Variants in OCA2 observed in about 807,000 individuals in gnomAD.
The protein encoded by OCA2 is OCA2 melanosomal transmembrane protein, also known as P protein.
OCA2 carries 77 observed loss-of-function variants against 100.2 expected under a neutral mutation model. The observed-to-expected ratio is 0.77, with a 90% CI of 0.64 to 0.93. The LOEUF (loss-of-function observed/expected upper bound fraction) is 0.93. OCA2 is among the 40% of genes least tolerant of loss of function. OCA2 has a pLI of 0.00. For synonymous variants in OCA2, 432 were observed against 439.2 expected (o/e 0.98, Z 0.21); for missense variants, 1,062 against 1,089.1 (o/e 0.98, Z 0.35).
At chr15:27,940,916 T>C (rs1375696729) in intron 18 of OCA2, among the ~76,000 whole-genome samples, 4 of 152,222 alleles carry the variant, frequency 2.6e-5, no homozygotes, top group African/African-American at 4.8e-5. Context: ...ATTATTAATG[T>C]TGAGGAATTT....
At chr15:27,859,893 T>C (rs2036070849) in intron 21 of OCA2, among the ~76,000 whole-genome samples, 2 of 151,986 alleles carry the variant, frequency 1.3e-5, no homozygotes, top group Admixed American at 6.6e-5. Context: ...AAACAAAATA[T>C]AAAATAAAAT....
chr15:28,082,373 C>T (rs1323402858), intron 1 of OCA2, among the ~76,000 whole-genome samples: 3 of 152,182 alleles, frequency 2.0e-5, no homozygotes, highest in South Asian at 4.1e-4. Flanking sequence ...GCTGCTCACT[C>T]TTTGGGTTTG....
At chr15:27,749,661 C>T in the OCA2 span, among the ~76,000 whole-genome samples, 3 of 152,064 alleles carry the variant, frequency 2.0e-5, no homozygotes, top group African/African-American at 4.8e-5. Flanking sequence ...ACAGGATCTA[C>T]ACACACAAAT....
chr15:27,863,692 C>T (rs953350466), intron 21 of OCA2, among the ~76,000 whole-genome samples: 2 of 152,170 alleles, frequency 1.3e-5, no homozygotes, highest in Non-Finnish European at 2.9e-5. Context: ...ATCTCTCACC[C>T]TTTTTCACGA....
At chr15:27,828,320 A>G (rs932798639) in intron 23 of OCA2, among the ~76,000 whole-genome samples, 5 of 152,170 alleles carry the variant, frequency 3.3e-5, no homozygotes, top group Non-Finnish European at 7.3e-5. Flanking sequence ...AAACTCTCCA[A>G]AGGATGCGGG....
At chr15:27,744,264 G>C in the OCA2 span, among the ~76,000 whole-genome samples, 1 of 152,172 alleles carries the variant, frequency 6.6e-6, no homozygotes, top group African/African-American at 2.4e-5. Flanking sequence ...TTCAAAAGTT[G>C]ATAAATTCAT....
At chr15:27,875,617 A>C (rs1019801513) in intron 19 of OCA2, among the ~76,000 whole-genome samples, 1 of 152,114 alleles carries the variant, frequency 6.6e-6, no homozygotes, top group Non-Finnish European at 1.5e-5. Flanking sequence ...CACACTAAAC[A>C]ACACTGAGTC....
At chr15:28,030,420 G>T (rs2042877687) in intron 3 of OCA2, among the ~76,000 whole-genome samples, 1 of 152,210 alleles carries the variant, frequency 6.6e-6, no homozygotes, top group African/African-American at 2.4e-5. Context: ...AGTGACATTT[G>T]AATGCCCTTG....
intron 19 of OCA2, among the ~76,000 whole-genome samples, chr15:27,907,000 G>A (rs965303233): frequency 6.6e-6 from 1 of 152,156 alleles, no homozygotes; most frequent in Non-Finnish European, 1.5e-5. Context: ...GACTAATAGA[G>A]TGAGAACTCA....
chr15:28,022,283 C>T (rs1449343381), intron 6 of OCA2, among the ~76,000 whole-genome samples: 4 of 152,162 alleles, frequency 2.6e-5, no homozygotes, highest in Non-Finnish European at 4.4e-5. Context: ...CTTCCTCACT[C>T]GGAGAGCTCC....
chr15:27,722,526 C>T, the OCA2 span, among the ~76,000 whole-genome samples: 2 of 152,110 alleles, frequency 1.3e-5, no homozygotes, highest in Non-Finnish European at 2.9e-5. Context: ...TTATGGGAAA[C>T]CCACAGGATC....
chr15:27,854,167 C>G (rs1339278010), intron 21 of OCA2, among the ~76,000 whole-genome samples: 1 of 152,188 alleles, frequency 6.6e-6, no homozygotes, highest in Admixed American at 6.5e-5. Flanking sequence ...GACAGAAGAT[C>G]TTGTGTTTCT....
At position 27,794,929 on chromosome 15, in the gene OCA2, T is replaced by C. The variant is rs562320889; in HGVS notation, c.2433-39457A>G. ...GGTTCTTTTCAGAATATGTAACTAC[T>C]AACAGAAAACAATCTATTCTAGTAG... On this transcript the variant is annotated intron_variant, in intron 23 of 23. Transcript: ENST00000354638. Among the ~76,000 whole-genome samples, 6 of 152,368 alleles carry C rather than the reference T, an allele frequency of 3.9e-5. No homozygotes were observed. The South Asian group carries it at 8.3e-4, about 21-fold the overall frequency.
chr15:27,855,472 C>T (rs915775810), intron 21 of OCA2, among the ~76,000 whole-genome samples: 4 of 152,246 alleles, frequency 2.6e-5, no homozygotes, highest in African/African-American at 9.6e-5. Context: ...CACTCTTGCC[C>T]TCACATAGCC....
chr15:27,779,639 C>G lies in OCA2; in HGVS notation c.2433-24167G>C, dbSNP rs559377001. ...TCTTTTTCTATCCTTTTACTTTCAG[C>G]CTATATGTGTCCTTAAATTTAAAGT... On this transcript the variant is annotated intron_variant, in intron 23 of 23. Coordinates refer to ENST00000354638, the MANE Select transcript of OCA2 (RefSeq NM_000275.3). Among the ~76,000 whole-genome samples, 481 of 152,284 alleles carry G rather than the reference C, an allele frequency of 3.2e-3. 2 individuals are homozygous for G. The highest frequency in any genetic ancestry group is 5.4e-3 in the Non-Finnish European group (369 of 68,008).
intron 18 of OCA2, among the ~76,000 whole-genome samples, chr15:27,935,781 G>GT (rs2039429126): frequency 1.3e-5 from 2 of 152,210 alleles, no homozygotes; most frequent in South Asian, 4.1e-4. Flanking sequence ...ACTGAGAAAT[G>GT]TAACTTAATT....
intron 19 of OCA2, among the ~76,000 whole-genome samples, chr15:27,922,342 G>T (rs563777231): frequency 1.3e-5 from 2 of 152,296 alleles, no homozygotes; most frequent in African/African-American, 4.8e-5. Context: ...TTACTGAAGG[G>T]ATTAACCACT....
intron 2 of OCA2, among the ~76,000 whole-genome samples, chr15:28,036,431 T>C (rs2043047420): frequency 6.6e-6 from 1 of 152,206 alleles, no homozygotes; most frequent in East Asian, 1.9e-4. Flanking sequence ...TAGTCCTCGG[T>C]ATCAGCCATG....
chr15:27,751,707 G>A (rs2030070332), downstream of OCA2, among the ~76,000 whole-genome samples: 1 of 152,220 alleles, frequency 6.6e-6, no homozygotes, highest in South Asian at 2.1e-4. Context: ...CCCAAGGGCA[G>A]ACACACACAC....
Sources: gnomAD v4.1 joint callset for allele counts (sites outside exome capture counted in the v4.1 genomes callset) on GRCh38, gnomAD v4.1.1 for gene constraint, MANE v1.5 for transcripts, NCBI Gene and HGNC (gene_info 2026-07-23, HGNC 2026-07-21) for gene names.